LRRC4B: variants seen among roughly 807,000 people sequenced by gnomAD.
LRRC4B encodes the protein leucine-rich repeat-containing protein 4B.
A neutral mutation model predicts 7.3 loss-of-function variants in LRRC4B; 1 was observed. The ratio of observed to expected loss-of-function variants is 0.14; its 90% CI spans 0.05 to 0.65. The LOEUF (loss-of-function observed/expected upper bound fraction) is 0.65, where lower values mean the gene tolerates loss of function less well. Ranked by LOEUF, LRRC4B falls within the 30% of genes least tolerant of loss-of-function variation. LRRC4B has a pLI of 0.84. For synonymous variants in LRRC4B, 500 were observed against 499.2 expected (o/e 1.00, Z -0.02); for missense variants, 730 against 1,041.6 (o/e 0.70, Z 4.12).
intron 2 of LRRC4B, among the ~76,000 whole-genome samples, chr19:50,542,636 C>G (rs565589632): frequency 1.3e-5 from 2 of 151,966 alleles, no homozygotes; most frequent in Non-Finnish European, 1.5e-5. Context: ...GCCACTATGC[C>G]TGGCTAATTT....
Position 50,556,528 on chromosome 19 carries a change from C to T in LRRC4B, c.-35-7655G>A, listed in dbSNP as rs1356551361. ...CCTCCAGGAGGTCTTCTTTGAGCTC[C>T]CCCTACCGTCCGTATCCCTTGCACT... On this transcript the variant is annotated intron_variant, in intron 1 of 2. Transcript: ENST00000652263. The surrounding 1 kb of genome is among the most constrained non-coding windows in gnomAD (Gnocchi z 4.2). Among the ~76,000 whole-genome samples, 1 of 152,164 alleles carries T rather than the reference C, an allele frequency of 6.6e-6. No homozygotes were observed. Among genetic ancestry groups the T allele is most frequent in the Non-Finnish European group, 1.5e-5 (1 of 68,016 alleles).
intron 2 of LRRC4B, among the ~76,000 whole-genome samples, chr19:50,530,506 A>G (rs1981008012): frequency 6.6e-6 from 1 of 152,090 alleles, no homozygotes; most frequent in Admixed American, 6.6e-5. Flanking sequence ...AACCCAGCCC[A>G]AAGGTCTCCA....
intron 2 of LRRC4B, among the ~76,000 whole-genome samples, chr19:50,527,388 A>T (rs1194140175): frequency 8.1e-6 from 1 of 122,722 alleles, no homozygotes; most frequent in Admixed American, 9.2e-5. Flanking sequence ...GGGTTTCACC[A>T]TGTTGGCCAG....
intron 2 of LRRC4B, among the ~76,000 whole-genome samples, chr19:50,542,469 ATT>A (rs58092334): frequency 1.1e-3 from 120 of 107,216 alleles, no homozygotes; most frequent in African/African-American, 4.1e-3. Context: ...AGAATTGCTG[ATT>A]TTTTTTTTTT....
In LRRC4B at chr19:50,519,578, G is replaced by A. The variant is rs1041282834; in HGVS notation, c.298-163C>T. ...CATGGTTTGATGAGTTTCTTATAAA[G>A]TTAAAACTGGAGTCAAGGCTGGGTG... On this transcript the variant is annotated intron_variant, in intron 2 of 2. Coordinates refer to ENST00000652263, the MANE Select transcript of LRRC4B (RefSeq NM_001080457.2). This position sits in a 1 kb window ranked among gnomAD's most constrained non-coding sequence, Gnocchi z 8.1. Among the ~76,000 whole-genome samples the A allele has an allele frequency of 6.6e-6, 1 of 152,154 alleles. No homozygotes were observed. The highest frequency in any genetic ancestry group is 2.4e-5 in the African/African-American group (1 of 41,430).
In LRRC4B at chr19:50,568,152, G is replaced by A. The variant is rs1024281044; in HGVS notation, c.-244C>T. The A allele has an allele frequency of 6.6e-6, 1 of 152,004 alleles. No homozygotes were observed. Among genetic ancestry groups the A allele is most frequent in the Admixed American group, 6.6e-5 (1 of 15,212 alleles). 9.4% of individuals were successfully genotyped at this position (152,004 alleles called of 1,614,324 possible). Reference sequence around the variant, plus strand: ...CTTCCGCAGCGGCGGCGGTGGGGCTGGGGGGGCCGCTCTGCCTCCTCGCCT... The same window carrying A: ...CTTCCGCAGCGGCGGCGGTGGGGCTAGGGGGGCCGCTCTGCCTCCTCGCCT... On this transcript the variant is annotated 5_prime_UTR_variant, in exon 1 of 3. Transcript: ENST00000652263.
chr19:50,518,326 C>T lies in LRRC4B; in HGVS notation c.1387G>A (p.Gly463Ser). Residue 463 changes from glycine to serine, a missense_variant, in exon 3 of 3, where the codon GGC becomes AGC. By Grantham distance (56) the Gly-to-Ser change is moderately conservative. Transcript: ENST00000652263. Reference protein sequence around the residue: ...VSAVDPVAAGGTGSGGGGPGG... With the variant: ...VSAVDPVAAGSTGSGGGGPGG... ...GGGCCGCCCCCGCCGCTGCCGGTGC[C>T]CCCGGCCGCCACGGGGTCCACGGCC... 6.2e-7 allele frequency: 1 copy of T among 1,606,258 alleles called. No individual in the cohort carries two copies. Among genetic ancestry groups the T allele is most frequent in the Non-Finnish European group, 8.5e-7 (1 of 1,177,244 alleles).
rs564284297 is a variant in LRRC4B, at chr19:50,536,582, A to T, written c.297+11960T>A. On this transcript the variant is annotated intron_variant, in intron 2 of 2. Transcript: ENST00000652263. ...ATCAGGGCTGCACTGAATGCTGCAG[A>T]TGGATTAGCCGGGGCTGTTCAGACA... 3.9e-5 allele frequency among the ~76,000 whole-genome samples: 6 copies of T among 152,272 alleles called. No individual in the cohort carries two copies. The South Asian group carries it at 1.2e-3, about 32-fold the overall frequency.
intron 1 of LRRC4B, among the ~76,000 whole-genome samples, chr19:50,559,856 G>A (rs561078376): frequency 3.3e-5 from 5 of 152,382 alleles, no homozygotes; most frequent in Non-Finnish European, 5.9e-5. Context: ...GATTCTGGCC[G>A]GGCGCAGTGG....
chr19:50,545,897 G>GT (rs1352008267), intron 2 of LRRC4B, among the ~76,000 whole-genome samples: 1 of 151,500 alleles, frequency 6.6e-6, no homozygotes, highest in Non-Finnish European at 1.5e-5. Context: ...CTAATTTTTG[G>GT]TTTTTTAGTG....
In LRRC4B at chr19:50,550,551, T is replaced by G. The variant is rs983618293; in HGVS notation, c.-35-1678A>C. Among the ~76,000 whole-genome samples the G allele has an allele frequency of 3.3e-5, 5 of 152,230 alleles. No individual in the cohort carries two copies. In the East Asian group the frequency reaches 9.7e-4, roughly 29 times the overall value. ...CACACACACAGTCACTCCCTCCTCC[T>G]GCAGTTTCCAAGACCATTTTAACCC... On this transcript the variant is annotated intron_variant, in intron 1 of 2. Transcript: ENST00000652263.
At position 50,517,276 on chromosome 19, in the gene LRRC4B, G is replaced by C. The variant is rs1263215469; in HGVS notation, c.*295C>G. The C allele has an allele frequency of 3.5e-6, 1 of 284,534 alleles. No homozygotes were observed. The highest frequency in any genetic ancestry group is 6.6e-6 in the Non-Finnish European group (1 of 152,670). The allele number at this position is 284,534 out of a possible 1,614,324, so 17.6% of individuals were successfully genotyped here. A position where few individuals can be genotyped will look rare whatever the true frequency, so the allele number is the denominator to read the frequency against. On this transcript the variant is annotated 3_prime_UTR_variant, in exon 3 of 3. Coordinates refer to ENST00000652263, the MANE Select transcript of LRRC4B (RefSeq NM_001080457.2). The surrounding 1 kb of genome is among the most constrained non-coding windows in gnomAD (Gnocchi z 6.6). Reference sequence around the variant, plus strand: ...CGGGCCCGGAACGCTTGGTGGGAGAGCGAGGAGGAAACGCGGAGAACTCAG... The same window carrying C: ...CGGGCCCGGAACGCTTGGTGGGAGACCGAGGAGGAAACGCGGAGAACTCAG...
At chr19:50,552,305 G>T (rs1449805879) in intron 1 of LRRC4B, among the ~76,000 whole-genome samples, 1 of 150,914 alleles carries the variant, frequency 6.6e-6, no homozygotes, top group African/African-American at 2.4e-5. Flanking sequence ...CCCCCACCAT[G>T]CCACACAGCC....
chr19:50,524,494 T>G lies in LRRC4B; in HGVS notation c.298-5079A>C, dbSNP rs535477823. On this transcript the variant is annotated intron_variant, in intron 2 of 2. Transcript: ENST00000652263. ...GTCTCAAACTCCTGGCCTCAAGCGA[T>G]CCTCCCGTCTCAGCCTCCCAAAGTG... 3.3e-5 allele frequency among the ~76,000 whole-genome samples: 5 copies of G among 152,242 alleles called. No homozygotes were observed. The South Asian group carries it at 1.0e-3, about 32-fold the overall frequency.
At chr19:50,526,637 G>T (rs1349173286) in intron 2 of LRRC4B, among the ~76,000 whole-genome samples, 1 of 152,232 alleles carries the variant, frequency 6.6e-6, no homozygotes, top group African/African-American at 2.4e-5. Context: ...GAGGTCAGGA[G>T]TTCCAGACTA....
intron 1 of LRRC4B, among the ~76,000 whole-genome samples, chr19:50,558,205 A>C (rs1982343196): frequency 7.5e-6 from 1 of 133,786 alleles, no homozygotes; most frequent in South Asian, 2.1e-4. Flanking sequence ...ATACATACAC[A>C]CACACACACA....
At position 50,548,369 on chromosome 19, in the gene LRRC4B, C is replaced by A. The variant is rs1981901092; in HGVS notation, c.297+173G>T. On this transcript the variant is annotated intron_variant, in intron 2 of 2. Coordinates refer to ENST00000652263, the MANE Select transcript of LRRC4B (RefSeq NM_001080457.2). This position sits in a 1 kb window ranked among gnomAD's most constrained non-coding sequence, Gnocchi z 6.8. ...GCTCTCAAAGCCCGGAGGGCCTCCA[C>A]TCCACCTCGGGAGCCCGGCTCCAGC... 6.6e-6 allele frequency among the ~76,000 whole-genome samples: 1 copy of A among 152,258 alleles called. No homozygotes were observed.
intron 2 of LRRC4B, among the ~76,000 whole-genome samples, chr19:50,536,092 C>T (rs1981269598): frequency 6.6e-6 from 1 of 151,848 alleles, no homozygotes; most frequent in Non-Finnish European, 1.5e-5. Flanking sequence ...AGCTCAGCAG[C>T]CCCCCGCCAG....
At position 50,546,556 on chromosome 19, in the gene LRRC4B, A is replaced by G. The variant is rs138673126; in HGVS notation, c.297+1986T>C. 6.6e-3 allele frequency among the ~76,000 whole-genome samples: 1,007 copies of G among 152,220 alleles called. 6 individuals are homozygous for G. The highest frequency in any genetic ancestry group is 9.3e-3 in the Non-Finnish European group (632 of 68,006). On this transcript the variant is annotated intron_variant, in intron 2 of 2. Coordinates refer to ENST00000652263, the MANE Select transcript of LRRC4B (RefSeq NM_001080457.2). ...AACCCCTGGGTGGGGAGGATGAGAAATAGAGGCGTCTGGATCCCTATTGAT... is the reference window on the plus strand; with the variant it reads ...AACCCCTGGGTGGGGAGGATGAGAAGTAGAGGCGTCTGGATCCCTATTGAT...
Sources: allele counts gnomAD v4.1 joint callset (sites outside exome capture counted in the v4.1 genomes callset), GRCh38; gene constraint gnomAD v4.1.1; non-coding constraint Gnocchi (gnomAD v3.1); transcripts MANE v1.5; gene names NCBI Gene and HGNC (gene_info 2026-07-23, HGNC 2026-07-21).